The following DYSF variants were observed in gnomAD, a reference collection of about 807,000 sequenced individuals.
DYSF encodes the protein dysferlin, also known as dystrophy-associated fer-1-like 1.
DYSF carries 212 observed loss-of-function variants against 274.9 expected under a neutral mutation model. The observed-to-expected ratio is 0.77, with a 90% CI of 0.69 to 0.86. The LOEUF (loss-of-function observed/expected upper bound fraction) is 0.86, where lower values mean the gene tolerates loss of function less well. DYSF is among the 40% of genes least tolerant of loss of function. The probability of loss-of-function intolerance (pLI) is 0.00; values close to 1 mark genes in which losing one functional copy is unlikely to be tolerated. For missense variants in DYSF, 2,666 were observed against 2,783.2 expected (o/e 0.96, Z 0.95); for synonymous variants, 1,091 against 1,078.7 (o/e 1.01, Z -0.22).
Position 71,553,083 on chromosome 2 carries a change from G to A in DYSF, c.1879G>A (p.Asp627Asn), listed in dbSNP as rs1480976491. The A allele has an allele frequency of 5.0e-6, 8 of 1,614,086 alleles. No homozygotes were observed. The highest frequency in any genetic ancestry group is 6.8e-6 in the Non-Finnish European group (8 of 1,180,054). ...YSATMLQDVD[D>N]AIQFEVSIGN... ...AGCCACCATGCTGCAGGATGTGGAT[G>A]ATGCCATCCAGTTTGAGGTCAGCAT... The change falls in exon 20 of 56, where the codon GAT becomes AAT. Residue 627 changes from aspartate (D) to asparagine (N), a missense_variant. Asp to Asn is a conservative substitution (Grantham distance 23). Coordinates refer to ENST00000410020, the MANE Select transcript of DYSF (RefSeq NM_001130987.2).
chr2:71,493,017 GA>G (rs2084002331), intron 3 of DYSF, among the ~76,000 whole-genome samples: 2 of 151,810 alleles, frequency 1.3e-5, no homozygotes, highest in Non-Finnish European at 2.9e-5. Context: ...AAGTAGCTGG[GA>G]CCACAGGCAC....
At chr2:71,561,251 C>T (rs1237556359) in intron 22 of DYSF, among the ~76,000 whole-genome samples, 1 of 152,220 alleles carries the variant, frequency 6.6e-6, no homozygotes, top group East Asian at 1.9e-4. Context: ...CTGCTGGCCT[C>T]CCTGCAGTGC....
chr2:71,664,574 C>CT, intron 46 of DYSF, 136 bp downstream of exon 46: 34 of 1,002,104 alleles, frequency 3.4e-5, no homozygotes, highest in Non-Finnish European at 4.6e-5. Flanking sequence ...CTCATTGAGT[C>CT]CAATGGGAGT....
intron 37 of DYSF, 49 bp from the exon 38 acceptor site, chr2:71,611,415 TC>T (rs2093758221): frequency 1.2e-6 from 2 of 1,613,734 alleles, no homozygotes. Flanking sequence ...CCCCAGCCTT[TC>T]CTGGGGCCCG....
intron 1 of DYSF, among the ~76,000 whole-genome samples, chr2:71,457,724 A>G (rs769217628): frequency 5.9e-5 from 9 of 152,184 alleles, no homozygotes; most frequent in Non-Finnish European, 1.5e-5. Context: ...CAGTTGATGC[A>G]GGACGCTCCC....
At position 71,682,612 on chromosome 2, in the gene DYSF, A is replaced by G. The variant is rs150834671; in HGVS notation, c.6256A>G (p.Ile2086Val). 609 of 1,613,756 alleles carry G rather than the reference A, an allele frequency of 3.8e-4. 1 individual carries two copies. The highest frequency in any genetic ancestry group is 1.8e-3 in the Middle Eastern group (11 of 6,062). The change falls in exon 55 of 56, where the codon ATC (isoleucine) becomes GTC (valine). Residue 2086 changes from isoleucine (I) to valine (V), a missense_variant. Ile to Val is a conservative substitution (Grantham distance 29, BLOSUM62 3). Around this residue, in one of 3 missense-constraint regions of DYSF, gnomAD observed 1,460 missense variants for 1,502.1 expected, o/e 0.97. Coordinates refer to ENST00000410020, the MANE Select transcript of DYSF (RefSeq NM_001130987.2). ...CCTGTGGCGGCGTTTCCGGTGGGCCATCATCCTCTTCATCATCCTCTTCAT... is the reference window on the plus strand; with the variant it reads ...CCTGTGGCGGCGTTTCCGGTGGGCCGTCATCCTCTTCATCATCCTCTTCAT... ...FILWRRFRWA[I>V]ILFIILFILL...
At chr2:71,483,125 T>G (rs1193722829) in intron 3 of DYSF, among the ~76,000 whole-genome samples, 2 of 152,082 alleles carry the variant, frequency 1.3e-5, no homozygotes, top group Non-Finnish European at 2.9e-5. Context: ...GTGCTGGCCA[T>G]GGGTGCATGG....
chr2:71,671,286 C>T (rs542425722), intron 51 of DYSF, among the ~76,000 whole-genome samples: 13 of 152,286 alleles, frequency 8.5e-5, no homozygotes, highest in South Asian at 4.1e-4. Context: ...AAGCATGGGC[C>T]GTTTGCAGGT....
chr2:71,669,188 A>G lies in DYSF; in HGVS notation c.5623A>G (p.Ser1875Gly). 1 of 1,608,982 alleles carries G rather than the reference A, an allele frequency of 6.2e-7. No individual in the cohort carries two copies. Among genetic ancestry groups the G allele is most frequent in the Non-Finnish European group, 8.5e-7 (1 of 1,177,748 alleles). Reference protein sequence around the residue: ...DDLSLTGEKMSDIYVKGWMIG... With the variant: ...DDLSLTGEKMGDIYVKGWMIG... ...CCTGAGCCTCACGGGGGAGAAGATGAGCGACATTTATGTGAAAGGGTAGGG... is the reference window on the plus strand; with the variant it reads ...CCTGAGCCTCACGGGGGAGAAGATGGGCGACATTTATGTGAAAGGGTAGGG... The change falls in exon 50 of 56, where the codon AGC becomes GGC. Residue 1875 changes from serine (S) to glycine (G), a missense_variant. Ser to Gly is a moderately conservative substitution (Grantham distance 56). Coordinates refer to ENST00000410020, the MANE Select transcript of DYSF (RefSeq NM_001130987.2).
At position 71,600,730 on chromosome 2, in the gene DYSF, T is replaced by A; in HGVS notation, c.3785T>A (p.Ile1262Asn). The A allele has an allele frequency of 6.2e-7, 1 of 1,614,132 alleles. No homozygotes were observed. Among genetic ancestry groups the A allele is most frequent in the Non-Finnish European group, 8.5e-7 (1 of 1,180,026 alleles). Residue 1262 changes from isoleucine to asparagine, a missense_variant, in exon 34 of 56, where the codon ATC (isoleucine) becomes AAC (asparagine). Physicochemically the swap from Ile to Asn is moderately radical, Grantham distance 149. This residue lies in a region of DYSF where 1,460 missense variants were observed against 1,502.1 expected (regional missense o/e 0.97). Coordinates refer to ENST00000410020, the MANE Select transcript of DYSF (RefSeq NM_001130987.2). Reference protein sequence around the residue: ...YGADEFMGRCICQPSLERMPR... With the variant: ...YGADEFMGRCNCQPSLERMPR... ...GCAGACGAGTTTATGGGTCGCTGCATCTGTCAACCGAGTCTGGAACGGATG... is the reference window on the plus strand; with the variant it reads ...GCAGACGAGTTTATGGGTCGCTGCAACTGTCAACCGAGTCTGGAACGGATG...
Position 71,563,948 on chromosome 2 carries a change from G to T in DYSF, c.2410-110G>T, listed in dbSNP as rs1574014911. ...GGACAGTGTGTGGGATGGAAGCTGGGAGAGGAGAGGCCTCTGTGGCCTCTG... is the reference window on the plus strand; with the variant it reads ...GGACAGTGTGTGGGATGGAAGCTGGTAGAGGAGAGGCCTCTGTGGCCTCTG... On this transcript the variant is annotated intron_variant, in intron 23 of 55. Coordinates refer to ENST00000410020, the MANE Select transcript of DYSF (RefSeq NM_001130987.2). The T allele has an allele frequency of 2.4e-5, 35 of 1,463,264 alleles. 1 individual carries two copies. The East Asian group carries it at 8.0e-4, about 34-fold the overall frequency. The allele number at this position is 1,463,264 out of a possible 1,614,324, so 90.6% of individuals were successfully genotyped here. A position where few individuals can be genotyped will look rare whatever the true frequency, so the allele number is the denominator to read the frequency against.
chr2:71,663,634 G>A (rs997640323), intron 45 of DYSF, among the ~76,000 whole-genome samples: 9 of 152,216 alleles, frequency 5.9e-5, no homozygotes, highest in African/African-American at 1.2e-4. Flanking sequence ...AGGGGGAGAA[G>A]GGAGAATACC....
At position 71,622,130 on chromosome 2, in the gene DYSF, G is replaced by GTGTTTTTT. The variant is rs775688599; in HGVS notation, c.4527+1522_4527+1523insGTTTTTTT. ...ATATGTCCATTCAGATGATTTCTTTGTTTTTTTTTTTTTTTTGTTACGCCC... is the reference window on the plus strand; with the variant it reads ...ATATGTCCATTCAGATGATTTCTTTGTGTTTTTTTTTTTTTTTTTTTTTTGTTACGCCC... On this transcript the variant is annotated intron_variant, in intron 41 of 55. Transcript: ENST00000410020. Among the ~76,000 whole-genome samples, 204 of 97,016 alleles carry GTGTTTTTT rather than the reference G, an allele frequency of 2.1e-3. 2 individuals are homozygous for GTGTTTTTT. The highest frequency in any genetic ancestry group is 7.8e-3 in the African/African-American group (199 of 25,540). 63.6% of individuals were successfully genotyped at this position (97,016 alleles called of 152,430 possible). A position where few individuals can be genotyped will look rare whatever the true frequency, so the allele number is the denominator to read the frequency against.
rs369914744 is a variant in DYSF at position 71,601,607 on chromosome 2, G to C, written c.3927+79G>C. ...TTTGGCATCTCTCTGGGTTAGGAAG[G>C]GTGGCCAGGCATTACCGCGATCCTG... On this transcript the variant is annotated intron_variant, in intron 35 of 55. Coordinates refer to ENST00000410020, the MANE Select transcript of DYSF (RefSeq NM_001130987.2). 1.8e-4 allele frequency: 294 copies of C among 1,592,976 alleles called. No individual in the cohort carries two copies. In the African/African-American group the frequency reaches 3.0e-3, roughly 16 times the overall value.
At chr2:71,472,776 T>A (rs913014160) in intron 1 of DYSF, among the ~76,000 whole-genome samples, 13 of 152,278 alleles carry the variant, frequency 8.5e-5, no homozygotes, top group African/African-American at 3.1e-4. Context: ...TTATTCTTAC[T>A]GAATTACTTT....
rs145456483 is a variant in DYSF, at chr2:71,571,727, C to T, written c.3228+986C>T. Among the ~76,000 whole-genome samples, 15 of 130,400 alleles carry T rather than the reference C, an allele frequency of 1.2e-4. 1 individual carries two copies. The highest frequency in any genetic ancestry group is 4.9e-4 in the African/African-American group (15 of 30,640). 85.5% of individuals were successfully genotyped at this position (130,400 alleles called of 152,430 possible). The stretch of plus-strand genomic sequence containing the variant: ...TCACAGTCAGCACACACAGATCACA[C>T]CCAGCACACACACAGATCACAGTCA... On this transcript the variant is annotated intron_variant, in intron 29 of 55. Transcript: ENST00000410020.
At chr2:71,482,844 A>G (rs1406911312) in intron 3 of DYSF, among the ~76,000 whole-genome samples, 3 of 152,000 alleles carry the variant, frequency 2.0e-5, no homozygotes, top group African/African-American at 4.8e-5. Context: ...TTCAAGTGCC[A>G]TTTACGGAGG....
At chr2:71,611,828 C>A (rs559866098) in intron 38 of DYSF, among the ~76,000 whole-genome samples, 1 of 152,222 alleles carries the variant, frequency 6.6e-6, no homozygotes, top group African/African-American at 2.4e-5. Flanking sequence ...ACGGGGCCAA[C>A]CTGCTCCTCC....
chr2:71,515,515 G>A (rs1390996904), intron 7 of DYSF, 108 bp from the exon 8 acceptor site: 1 of 1,506,666 alleles, frequency 6.6e-7, no homozygotes, highest in African/African-American at 1.4e-5. Flanking sequence ...CTTTCCCCAA[G>A]AAGCCAGTGG....
Sources: allele counts gnomAD v4.1 joint callset (sites outside exome capture counted in the v4.1 genomes callset), GRCh38; gene constraint gnomAD v4.1.1; regional missense constraint gnomAD v4.1.1; transcripts MANE v1.5; gene names NCBI Gene and HGNC (gene_info 2026-07-23, HGNC 2026-07-21).